HS6ST2: variants seen among roughly 807,000 people sequenced by gnomAD.
HS6ST2 encodes the protein heparan sulfate 6-O-sulfotransferase 2.
HS6ST2 carries 17 observed loss-of-function variants against 33.0 expected under a neutral mutation model. That is an observed-to-expected ratio of 0.52 (90% CI 0.35 to 0.77). The LOEUF (loss-of-function observed/expected upper bound fraction) is 0.77, where lower values mean the gene tolerates loss of function less well. HS6ST2 is among the 30% of genes least tolerant of loss of function. HS6ST2 has a pLI of 0.01. For missense variants in HS6ST2, 519 were observed against 551.7 expected (o/e 0.94, Z 0.59); for synonymous variants, 248 against 237.1 (o/e 1.05, Z -0.42).
At chrX:132,637,923 T>TG (rs2063572909) in intron 4 of HS6ST2, among the ~76,000 whole-genome samples, 1 of 51,195 alleles carries the variant, frequency 2.0e-5, no homozygotes, top group East Asian at 4.9e-4. Context: ...ATATTTTATA[T>TG]ATATATTATA....
intron 2 of HS6ST2, among the ~76,000 whole-genome samples, chrX:132,748,667 A>G (rs938281658): frequency 6.3e-5 from 7 of 111,714 alleles, no homozygotes; most frequent in African/African-American, 2.3e-4. Context: ...CAGTGGTGCA[A>G]TCATGGCTCA....
intron 2 of HS6ST2, among the ~76,000 whole-genome samples, chrX:132,748,545 G>C (rs2064670116): frequency 8.9e-6 from 1 of 111,877 alleles, no homozygotes; most frequent in African/African-American, 3.2e-5. Context: ...TACGAATGCT[G>C]ACCAGGATGG....
chrX:132,949,712 T>C (rs183408155), intron 2 of HS6ST2, among the ~76,000 whole-genome samples: 1 of 111,485 alleles, frequency 9.0e-6, no homozygotes, highest in African/African-American at 3.3e-5. Context: ...ATATAAGTAA[T>C]GTAGACTCAA....
chrX:132,636,893 C>T (rs752295908), intron 4 of HS6ST2, among the ~76,000 whole-genome samples: 2 of 111,863 alleles, frequency 1.8e-5, no homozygotes, highest in East Asian at 2.8e-4. Context: ...GACACTTATA[C>T]GTTAACTCCC....
intron 2 of HS6ST2, among the ~76,000 whole-genome samples, chrX:132,741,601 C>T (rs746259454): frequency 8.1e-4 from 90 of 111,181 alleles, no homozygotes; most frequent in Middle Eastern, 4.7e-3. Flanking sequence ...GGTTTGAGGG[C>T]AATTAGCCTC....
intron 4 of HS6ST2, among the ~76,000 whole-genome samples, chrX:132,661,149 C>G (rs182079461): frequency 1.6e-4 from 18 of 111,243 alleles, no homozygotes; most frequent in African/African-American, 5.9e-4. Flanking sequence ...TGGGTGGGGA[C>G]ACATAGCCTA....
At chrX:132,884,937 C>A (rs1045453899) in intron 2 of HS6ST2, among the ~76,000 whole-genome samples, 1 of 111,448 alleles carries the variant, frequency 9.0e-6, no homozygotes, top group Admixed American at 9.6e-5. Context: ...GGTAATTCTT[C>A]AACAATGAGA....
At chrX:132,788,445 T>A (rs925845453) in intron 2 of HS6ST2, among the ~76,000 whole-genome samples, 2 of 111,325 alleles carry the variant, frequency 1.8e-5, no homozygotes, top group African/African-American at 6.5e-5. Context: ...CATTCCTTCA[T>A]CTCTCTCCCT....
intron 4 of HS6ST2, among the ~76,000 whole-genome samples, chrX:132,650,060 A>G (rs2063678611): frequency 1.8e-5 from 2 of 111,434 alleles, no homozygotes; most frequent in Admixed American, 1.9e-4. Flanking sequence ...GGAAGAGAGG[A>G]GTAAAGATAT....
rs182664683 is a variant in HS6ST2 at position 132,637,329 on chromosome X, C to G, written c.1068-8236G>C. On this transcript the variant is annotated intron_variant, in intron 4 of 4. Coordinates refer to ENST00000370833, the MANE Select transcript of HS6ST2 (RefSeq NM_001394073.1). The stretch of plus-strand genomic sequence containing the variant: ...ATGTGGCTTCAGAGATCAGAAGTCT[C>G]TCAGAAATCCCAGGTGGTATCTAGA... 8.7e-4 allele frequency among the ~76,000 whole-genome samples: 97 copies of G among 111,234 alleles called. 1 individual carries two copies. The highest frequency in any genetic ancestry group is 1.7e-3 in the Non-Finnish European group (88 of 53,063).
At chrX:132,839,272 G>GTATATA (rs748319681) in intron 2 of HS6ST2, among the ~76,000 whole-genome samples, 98 of 62,756 alleles carry the variant, frequency 1.6e-3, no homozygotes, top group Non-Finnish European at 2.0e-3. Flanking sequence ...TGTAGTGTGT[G>GTATATA]TATATATATA....
chrX:132,920,071 C>T (rs1482336093), intron 2 of HS6ST2, among the ~76,000 whole-genome samples: 2 of 111,501 alleles, frequency 1.8e-5, no homozygotes, highest in Non-Finnish European at 3.8e-5. Context: ...AGCCACACTC[C>T]AGCAGTGGGA....
At chrX:132,954,490 T>G (rs1262489639) in intron 2 of HS6ST2, among the ~76,000 whole-genome samples, 1 of 111,717 alleles carries the variant, frequency 9.0e-6, no homozygotes, top group Non-Finnish European at 1.9e-5. Flanking sequence ...CACACACACA[T>G]GCACACCTTA....
chrX:132,832,266 T>A (rs1283986286), intron 2 of HS6ST2, among the ~76,000 whole-genome samples: 1 of 112,035 alleles, frequency 8.9e-6, no homozygotes, highest in African/African-American at 3.2e-5. Context: ...AAGATAATTT[T>A]TAATTTATAT....
At chrX:132,951,804 T>G (rs1425141954) in intron 2 of HS6ST2, among the ~76,000 whole-genome samples, 2 of 112,416 alleles carry the variant, frequency 1.8e-5, no homozygotes, top group Non-Finnish European at 3.8e-5. Context: ...ACATAACAGA[T>G]GGACTTTTGT....
chrX:132,909,252 T>C (rs1028181940), intron 2 of HS6ST2, among the ~76,000 whole-genome samples: 2 of 112,428 alleles, frequency 1.8e-5, no homozygotes, highest in African/African-American at 6.5e-5. Context: ...TCCTCAGTTC[T>C]CTCAAAACAT....
chrX:132,889,280 G>C (rs2066282783), intron 2 of HS6ST2, among the ~76,000 whole-genome samples: 1 of 111,574 alleles, frequency 9.0e-6, no homozygotes, highest in Non-Finnish European at 1.9e-5. Flanking sequence ...GGTACTTCAA[G>C]AGCAGAGAGA....
intron 2 of HS6ST2, among the ~76,000 whole-genome samples, chrX:132,908,713 G>A (rs1362577827): frequency 9.0e-6 from 1 of 111,047 alleles, no homozygotes; most frequent in Admixed American, 9.7e-5. Flanking sequence ...GTTGCCTAGA[G>A]GTGTGAGGAA....
chrX:132,935,063 A>G (rs2066809952), intron 2 of HS6ST2, among the ~76,000 whole-genome samples: 1 of 112,106 alleles, frequency 8.9e-6, no homozygotes, highest in Middle Eastern at 4.6e-3. Context: ...AAACAAAACA[A>G]TTATAAATAT....
Sources: allele counts gnomAD v4.1 joint callset (sites outside exome capture counted in the v4.1 genomes callset), GRCh38; gene constraint gnomAD v4.1.1; transcripts MANE v1.5; gene names NCBI Gene and HGNC (gene_info 2026-07-23, HGNC 2026-07-21).